Variants in TMEM44 observed in about 807,000 individuals in gnomAD.
TMEM44 encodes transmembrane protein 44.
A neutral mutation model predicts 47.8 loss-of-function variants in TMEM44; 43 were observed. The ratio of observed to expected loss-of-function variants is 0.90; its 90% confidence interval spans 0.70 to 1.16. The LOEUF is 1.16. Ranked by LOEUF, TMEM44 falls within the 50% of genes most tolerant of loss-of-function variation. TMEM44 has a pLI of 0.00. For missense variants in TMEM44, 568 were observed against 555.2 expected (o/e 1.02, Z -0.23); for synonymous variants, 277 against 238.8 (o/e 1.16, Z -1.48).
At chr3:194,608,916 G>C (rs906292412) in intron 8 of TMEM44, among the ~76,000 whole-genome samples, 1 of 152,178 alleles carries the variant, frequency 6.6e-6, no homozygotes, top group Non-Finnish European at 1.5e-5. Context: ...CTGGCTGCTC[G>C]TTAGAGATGG....
chr3:194,611,397 A>G lies in TMEM44; in HGVS notation c.913-377T>C, dbSNP rs1715309626. Among the ~76,000 whole-genome samples the G allele has an allele frequency of 6.6e-6, 1 of 152,016 alleles. No individual in the cohort carries two copies. Among genetic ancestry groups the G allele is most frequent in the Non-Finnish European group, 1.5e-5 (1 of 67,990 alleles). The stretch of plus-strand genomic sequence containing the variant: ...TGGGATGACAGGCGTGAGCCACCAC[A>G]CCCGGCCTATTCTGCTTTTTAAGAT... On this transcript the variant is annotated intron_variant, in intron 7 of 9. Coordinates refer to ENST00000347147, the MANE Select transcript of TMEM44 (RefSeq NM_001011655.3). This position sits in a 1 kb window ranked among gnomAD's most constrained non-coding sequence, Gnocchi z 4.2.
chr3:194,615,102 C>T (rs1218466641), intron 7 of TMEM44, among the ~76,000 whole-genome samples: 2 of 151,990 alleles, frequency 1.3e-5, no homozygotes, highest in Admixed American at 6.6e-5. Context: ...ATTAGCCGGG[C>T]GTGGTGACAT....
At chr3:194,603,915 G>A (rs1053809474) in intron 9 of TMEM44, among the ~76,000 whole-genome samples, 19 of 151,680 alleles carry the variant, frequency 1.3e-4, no homozygotes, top group African/African-American at 2.9e-4. Flanking sequence ...GTGCAATGGC[G>A]CAATCTCGGC....
intron 7 of TMEM44, among the ~76,000 whole-genome samples, chr3:194,612,463 C>T (rs1172394298): frequency 6.6e-6 from 1 of 152,062 alleles, no homozygotes; most frequent in Non-Finnish European, 1.5e-5. Flanking sequence ...GGAGAACATT[C>T]GGAGGGGCAG....
intron 5 of TMEM44, among the ~76,000 whole-genome samples, chr3:194,618,434 T>C (rs1000798162): frequency 2.8e-5 from 4 of 144,624 alleles, no homozygotes; most frequent in Non-Finnish European, 4.4e-5. Context: ...AAATTGTAAA[T>C]AGTTTATATT....
At position 194,605,140 on chromosome 3, in the gene TMEM44, C is replaced by G. The variant is rs527466353; in HGVS notation, c.1018-695G>C. Among the ~76,000 whole-genome samples the G allele has an allele frequency of 4.3e-5, 6 of 138,978 alleles. No individual in the cohort carries two copies. In the South Asian group the frequency reaches 9.6e-4, roughly 22 times the overall value. 91.2% of individuals were successfully genotyped at this position (138,978 alleles called of 152,430 possible). A position where few individuals can be genotyped will look rare whatever the true frequency, so the allele number is the denominator to read the frequency against. On this transcript the variant is annotated intron_variant, in intron 8 of 9. Coordinates refer to ENST00000347147, the MANE Select transcript of TMEM44 (RefSeq NM_001011655.3). ...TCTATGTATCTATCTATGTATCTAT[C>G]TATGTATGTATCTATCTATGTATCT...
At chr3:194,616,125 C>T (rs1363712835) in intron 6 of TMEM44, among the ~76,000 whole-genome samples, 1 of 151,940 alleles carries the variant, frequency 6.6e-6, no homozygotes, top group East Asian at 1.9e-4. Flanking sequence ...GATCTTAGCT[C>T]ACTGCAACCC....
chr3:194,628,257 C>A, intron 2 of TMEM44, 126 bp downstream of exon 2: 1 of 1,326,300 alleles, frequency 7.5e-7, no homozygotes, highest in African/African-American at 1.5e-5. Context: ...GGCACAGGTT[C>A]TGAGGTGACA....
At position 194,623,286 on chromosome 3, in the gene TMEM44, G is replaced by C. The variant is rs766873365; in HGVS notation, c.550C>G (p.Leu184Val). Reference protein sequence around the residue: ...LQENTEILGYLLGSVAAFGSW... With the variant: ...LQENTEILGYVLGSVAAFGSW... ...CCAAAGGCAGCAACGCTACCCAGCA[G>C]GTAGCCGAGGATCTCAGTATTTTCC... The change falls in exon 5 of 10, where the codon CTG becomes GTG. Residue 184 changes from leucine to valine, a missense_variant. Physicochemically the swap from Leu to Val is conservative, Grantham distance 32. Transcript: ENST00000347147. 1 of 1,610,310 alleles carries C rather than the reference G, an allele frequency of 6.2e-7. No individual in the cohort carries two copies. Among genetic ancestry groups the C allele is most frequent in the African/African-American group, 1.3e-5 (1 of 74,946 alleles).
chr3:194,602,787 C>T lies in TMEM44; in HGVS notation c.1176+1500G>A, dbSNP rs543183639. Among the ~76,000 whole-genome samples the T allele has an allele frequency of 1.2e-4, 19 of 152,196 alleles. No homozygotes were observed. The South Asian group carries it at 2.3e-3, about 18-fold the overall frequency. ...AGGCTGTGAAAGGCCTGGACTGCCA[C>T]CCTGAGGAATCCAGACTTCATCCCA... On this transcript the variant is annotated intron_variant, in intron 9 of 9. Transcript: ENST00000347147.
At chr3:194,613,341 C>A (rs543352454) in intron 7 of TMEM44, among the ~76,000 whole-genome samples, 1 of 151,346 alleles carries the variant, frequency 6.6e-6, no homozygotes, top group Non-Finnish European at 1.5e-5. Context: ...CCACGCCCAG[C>A]TGATTTTTGT....
chr3:194,604,029 T>A (rs1714470220), intron 9 of TMEM44, among the ~76,000 whole-genome samples: 1 of 151,896 alleles, frequency 6.6e-6, no homozygotes, highest in Admixed American at 6.6e-5. Context: ...AATTTTTGTA[T>A]TTTTAGTAGA....
chr3:194,597,289 TG>T (rs1713533550), intron 9 of TMEM44: 1 of 152,378 alleles, frequency 6.6e-6, no homozygotes, highest in African/African-American at 2.4e-5. Flanking sequence ...AATGTACTTT[TG>T]TCACAAAGGT....
chr3:194,632,070 C>T (rs1467920793), intron 1 of TMEM44, among the ~76,000 whole-genome samples: 1 of 152,158 alleles, frequency 6.6e-6, no homozygotes, highest in Non-Finnish European at 1.5e-5. Context: ...GGTTTTGGTT[C>T]TTTCCTTTCA....
intron 6 of TMEM44, 85 bp from the exon 7 acceptor site, chr3:194,615,782 C>G: frequency 2.0e-6 from 3 of 1,531,502 alleles, no homozygotes; most frequent in Non-Finnish European, 2.7e-6. Flanking sequence ...TGCTGCCACC[C>G]CCCTCCCCAC....
At chr3:194,628,354 A>G in intron 2 of TMEM44, 29 bp downstream of exon 2, 1 of 1,601,832 alleles carries the variant, frequency 6.2e-7, no homozygotes. Flanking sequence ...TGCTGGCCTA[A>G]GCCACTGTCA....
chr3:194,619,434 G>A (rs1716289270), intron 5 of TMEM44, among the ~76,000 whole-genome samples: 2 of 152,218 alleles, frequency 1.3e-5, no homozygotes, highest in African/African-American at 4.8e-5. Context: ...CCCAGCCTGG[G>A]CTGCCTGGCA....
chr3:194,592,878 G>A (rs1712937074), intron 9 of TMEM44, among the ~76,000 whole-genome samples: 1 of 152,104 alleles, frequency 6.6e-6, no homozygotes, highest in Non-Finnish European at 1.5e-5. Flanking sequence ...CTCCCAAAGT[G>A]CTAGGATTAC....
rs999198831 is a variant in TMEM44, at chr3:194,602,339, C to A, written c.1176+1948G>T. 2.6e-5 allele frequency among the ~76,000 whole-genome samples: 4 copies of A among 152,180 alleles called. No homozygotes were observed. In the South Asian group the frequency reaches 8.3e-4, roughly 31 times the overall value. On this transcript the variant is annotated intron_variant, in intron 9 of 9. Coordinates refer to ENST00000347147, the MANE Select transcript of TMEM44 (RefSeq NM_001011655.3). ...GCTCTAGGCTGGGTGAGGTGGCTCA[C>A]GCCTGTAATCCCAGCACTTTGGGAG...
Sources: allele counts gnomAD v4.1 joint callset (sites outside exome capture counted in the v4.1 genomes callset), GRCh38; gene constraint gnomAD v4.1.1; non-coding constraint Gnocchi (gnomAD v3.1); transcripts MANE v1.5; gene names NCBI Gene and HGNC (gene_info 2026-07-23, HGNC 2026-07-21).